ACYP2: variants seen among roughly 807,000 people sequenced by gnomAD.
ACYP2 encodes the protein acylphosphatase-2.
A neutral mutation model predicts 11.2 loss-of-function variants in ACYP2; 12 were observed. The observed-to-expected ratio is 1.08, with a 90% CI of 0.69 to 1.74. The LOEUF (loss-of-function observed/expected upper bound fraction) is 1.74. ACYP2 is among the 40% of genes most tolerant of loss of function. The pLI, the probability that ACYP2 is intolerant of heterozygous loss-of-function variation, is 0.00. For missense variants in ACYP2, 134 were observed against 101.9 expected (o/e 1.31, Z -1.35); for synonymous variants, 43 against 32.2 (o/e 1.33, Z -1.13).
At chr2:54,004,089 T>A (rs192374592) in intron 2 of ACYP2, among the ~76,000 whole-genome samples, 59 of 152,276 alleles carry the variant, frequency 3.9e-4, no homozygotes, top group African/African-American at 1.4e-3. Flanking sequence ...GTTGAAACGA[T>A]TCTCCTGACT....
At chr2:54,263,793 T>C (rs374631040) in intron 6 of ACYP2, among the ~76,000 whole-genome samples, 3 of 152,230 alleles carry the variant, frequency 2.0e-5, no homozygotes, top group Non-Finnish European at 4.4e-5. Flanking sequence ...AAAATAAATA[T>C]ACCAGAATTT....
At chr2:54,056,861 T>A (rs1676179846) in intron 3 of ACYP2, among the ~76,000 whole-genome samples, 1 of 152,174 alleles carries the variant, frequency 6.6e-6, no homozygotes, top group East Asian at 1.9e-4. Flanking sequence ...AAAAAAATAC[T>A]TTTAAAAAGA....
intron 2 of ACYP2, among the ~76,000 whole-genome samples, chr2:54,007,537 G>A (rs1382752691): frequency 6.6e-6 from 1 of 152,262 alleles, no homozygotes; most frequent in East Asian, 1.9e-4. Context: ...ACAGGCGTGA[G>A]CCACCGTGCC....
At chr2:54,128,028 A>C (rs561788450) in intron 4 of ACYP2, among the ~76,000 whole-genome samples, 1 of 152,284 alleles carries the variant, frequency 6.6e-6, no homozygotes, top group East Asian at 1.9e-4. Flanking sequence ...ACATCCACCA[A>C]ATCTTCAAAT....
chr2:54,105,926 A>T (rs1170381138), intron 4 of ACYP2, among the ~76,000 whole-genome samples: 2 of 151,922 alleles, frequency 1.3e-5, no homozygotes, highest in Non-Finnish European at 2.9e-5. Flanking sequence ...AAGAACACTG[A>T]ATTTTTCCGC....
At chr2:53,985,074 T>C (rs534717311) in intron 2 of ACYP2, among the ~76,000 whole-genome samples, 27 of 149,658 alleles carry the variant, frequency 1.8e-4, no homozygotes, top group Non-Finnish European at 3.1e-4. Flanking sequence ...TTCTTTCTTT[T>C]TTTTTTTTTT....
At chr2:54,016,294 T>C (rs1558473476) in intron 2 of ACYP2, among the ~76,000 whole-genome samples, 1 of 152,120 alleles carries the variant, frequency 6.6e-6, no homozygotes, top group Non-Finnish European at 1.5e-5. Flanking sequence ...CCTTGCCTAC[T>C]CATGAATGCC....
chr2:54,278,306 A>G (rs1286318109), intron 6 of ACYP2, among the ~76,000 whole-genome samples: 1 of 152,182 alleles, frequency 6.6e-6, no homozygotes, highest in Non-Finnish European at 1.5e-5. Context: ...AAACAATGCC[A>G]GGTTTTTCTC....
intron 6 of ACYP2, among the ~76,000 whole-genome samples, chr2:54,260,242 A>G (rs2104040684): frequency 6.6e-6 from 1 of 152,262 alleles, no homozygotes; most frequent in Non-Finnish European, 1.5e-5. Context: ...CATTGTTCTC[A>G]GTGAAATAGA....
rs145560048 is a variant in ACYP2, at chr2:54,295,658, C to T, written c.405-9030C>T. Among the ~76,000 whole-genome samples, 31 of 152,118 alleles carry T rather than the reference C, an allele frequency of 2.0e-4. No homozygotes were observed. In the East Asian group the frequency reaches 5.6e-3, roughly 28 times the overall value. On this transcript the variant is annotated intron_variant, in intron 6 of 6. Transcript: ENST00000607452. ...TAAGTTTTATTTTATTTGTAATTGA[C>T]CTATGATTGTACATATTTATGAATA...
chr2:54,255,743 A>G, intron 6 of ACYP2: 10 of 1,611,500 alleles, frequency 6.2e-6, no homozygotes, highest in Non-Finnish European at 8.5e-6. Context: ...TCAGACTCCG[A>G]CCTCCCTGCC....
intron 2 of ACYP2, among the ~76,000 whole-genome samples, chr2:53,988,046 G>A (rs1361353659): frequency 1.3e-5 from 2 of 151,954 alleles, no homozygotes; most frequent in East Asian, 1.9e-4. Flanking sequence ...TTCCTTTAAC[G>A]TGTCAAACTT....
intron 6 of ACYP2, among the ~76,000 whole-genome samples, chr2:54,139,417 G>C (rs1681470091): frequency 6.6e-6 from 1 of 152,208 alleles, no homozygotes; most frequent in Non-Finnish European, 1.5e-5. Context: ...TGAAGTCCAA[G>C]AGAGGCCAGA....
rs141838148 is a variant in ACYP2, at chr2:54,126,903, G to C, written c.278-8550G>C. ...CGGGAGGTGGAGGTTGCAGTGAGCC[G>C]AGATTGTGCAACTGCACTCCAGCCT... On this transcript the variant is annotated intron_variant, in intron 4 of 6. Transcript: ENST00000607452. Among the ~76,000 whole-genome samples the C allele has an allele frequency of 3.3e-5, 5 of 150,164 alleles. No individual in the cohort carries two copies. The East Asian group carries it at 7.8e-4, about 23-fold the overall frequency.
chr2:54,247,946 A>G (rs1687036041), intron 6 of ACYP2, among the ~76,000 whole-genome samples: 1 of 152,350 alleles, frequency 6.6e-6, no homozygotes, highest in East Asian at 1.9e-4. Flanking sequence ...TATGAGAATT[A>G]AGAAAATGCA....
At chr2:54,162,893 T>C (rs754506977) in intron 6 of ACYP2, among the ~76,000 whole-genome samples, 1 of 152,108 alleles carries the variant, frequency 6.6e-6, no homozygotes, top group Non-Finnish European at 1.5e-5. Flanking sequence ...GAGACTAAGG[T>C]GGGAGGATTG....
chr2:54,255,868 G>A lies in ACYP2; in HGVS notation c.405-48820G>A, dbSNP rs372159200. The A allele has an allele frequency of 2.5e-6, 4 of 1,613,836 alleles. No individual in the cohort carries two copies. The African/African-American group carries it at 4.0e-5, about 16-fold the overall frequency. On this transcript the variant is annotated intron_variant, in intron 6 of 6. Coordinates refer to ENST00000607452, the MANE Select transcript of ACYP2 (RefSeq NM_001320586.2). The stretch of plus-strand genomic sequence containing the variant: ...GGCAGAGGCCGCTTCTAGGCCCTCC[G>A]CGGGTGGTGGAGTCACTTCCTGCCC...
intron 4 of ACYP2, among the ~76,000 whole-genome samples, chr2:54,121,351 G>A (rs531525293): frequency 5.3e-5 from 8 of 152,246 alleles, no homozygotes; most frequent in African/African-American, 1.7e-4. Context: ...TGGCTAAAAG[G>A]CATCGAGGAA....
chr2:54,299,310 C>G (rs1462960775), intron 6 of ACYP2, among the ~76,000 whole-genome samples: 1 of 152,032 alleles, frequency 6.6e-6, no homozygotes, highest in African/African-American at 2.4e-5. Context: ...AAACCTAAGA[C>G]TGGCCGGGCA....
Sources: allele counts gnomAD v4.1 joint callset (sites outside exome capture counted in the v4.1 genomes callset), GRCh38; gene constraint gnomAD v4.1.1; transcripts MANE v1.5; gene names NCBI Gene and HGNC (gene_info 2026-07-23, HGNC 2026-07-21).